UNC80: variants seen among roughly 807,000 people sequenced by gnomAD.
UNC80 encodes protein unc-80 homolog.
UNC80 carries 164 observed loss-of-function variants against 384.6 expected under a neutral mutation model. The observed-to-expected ratio is 0.43, with a 90% CI of 0.38 to 0.49. The LOEUF (loss-of-function observed/expected upper bound fraction) is 0.49. Ranked by LOEUF, UNC80 falls within the 20% of genes least tolerant of loss-of-function variation. The pLI, the probability that UNC80 is intolerant of heterozygous loss-of-function variation, is 0.00. For missense variants in UNC80, 3,330 were observed against 4,143.0 expected (o/e 0.80, Z 5.39); for synonymous variants, 1,486 against 1,527.8 (o/e 0.97, Z 0.64).
At chr2:209,930,522 C>T (rs2090771948) in intron 37 of UNC80, among the ~76,000 whole-genome samples, 1 of 152,146 alleles carries the variant, frequency 6.6e-6, no homozygotes, top group Admixed American at 6.6e-5. Flanking sequence ...TCTCTTGTAA[C>T]CTCTCTTTTT....
chr2:209,816,864 C>A, intron 9 of UNC80, 45 bp from the exon 10 acceptor site: 1 of 1,535,740 alleles, frequency 6.5e-7, no homozygotes, highest in South Asian at 1.2e-5. Flanking sequence ...AGATTGTAAC[C>A]TTTTCTTTGC....
At chr2:209,857,301 A>G (rs13010864) in intron 22 of UNC80, among the ~76,000 whole-genome samples, 26,810 of 152,112 alleles carry the variant, frequency 0.18, 3,228 homozygotes, top group African/African-American at 0.34. Context: ...TCGAAATTGA[A>G]ATCTGAATTG....
At chr2:209,792,881 G>A (rs777955804) in intron 6 of UNC80, among the ~76,000 whole-genome samples, 1 of 151,946 alleles carries the variant, frequency 6.6e-6, no homozygotes, top group Non-Finnish European at 1.5e-5. Context: ...TGAGTTTAAG[G>A]GTCAGATTCA....
At position 209,872,113 on chromosome 2, in the gene UNC80, TC is replaced by T. The variant is rs1201500207; in HGVS notation, c.3628-643del. ...CACCTCCCAGGTTCAAGCCTCAGCC[TC>T]CTGAGTAGCTGGGACTACAAGCACG... On this transcript the variant is annotated intron_variant, in intron 22 of 64. Transcript: ENST00000673920. The surrounding 1 kb of genome is among the most constrained non-coding windows in gnomAD (Gnocchi z 4.1). Among the ~76,000 whole-genome samples, 3 of 152,164 alleles carry T rather than the reference TC, an allele frequency of 2.0e-5. No homozygotes were observed. The highest frequency in any genetic ancestry group is 7.2e-5 in the African/African-American group (3 of 41,454).
At chr2:209,857,812 G>A (rs548201617) in intron 22 of UNC80, among the ~76,000 whole-genome samples, 3 of 151,994 alleles carry the variant, frequency 2.0e-5, no homozygotes, top group Non-Finnish European at 4.4e-5. Flanking sequence ...TTGACTCATA[G>A]GTATCTATAT....
At chr2:209,950,396 TG>T (rs1575117730) in intron 47 of UNC80, among the ~76,000 whole-genome samples, 1 of 152,146 alleles carries the variant, frequency 6.6e-6, no homozygotes. Flanking sequence ...TTTCTAATAC[TG>T]GGAATTTTTG....
At chr2:209,928,157 G>A (rs888628998) in intron 36 of UNC80, among the ~76,000 whole-genome samples, 10 of 152,064 alleles carry the variant, frequency 6.6e-5, no homozygotes, top group East Asian at 3.9e-4. Context: ...CCAACGTGGC[G>A]AAACCCTGTC....
At chr2:209,814,627 G>C (rs2079604448) in intron 8 of UNC80, among the ~76,000 whole-genome samples, 1 of 152,132 alleles carries the variant, frequency 6.6e-6, no homozygotes, top group Non-Finnish European at 1.5e-5. Context: ...GTTTAGAGAA[G>C]TAAACTGAAT....
intron 43 of UNC80, 43 bp from the exon 44 acceptor site, chr2:209,941,178 G>C (rs1464110738): frequency 1.4e-6 from 2 of 1,467,646 alleles, no homozygotes; most frequent in South Asian, 2.8e-5. Flanking sequence ...TGACAGGATT[G>C]GTGTGGGGCT....
At chr2:209,777,596 G>A (rs2076937199) in intron 4 of UNC80, 37 bp downstream of exon 4, 2 of 1,563,320 alleles carry the variant, frequency 1.3e-6, no homozygotes, top group South Asian at 1.2e-5. Context: ...GGAGTGGGTG[G>A]AGATGTGGTG....
intron 7 of UNC80, among the ~76,000 whole-genome samples, chr2:209,805,749 C>T (rs1559119393): frequency 6.6e-6 from 1 of 152,146 alleles, no homozygotes; most frequent in Non-Finnish European, 1.5e-5. Flanking sequence ...TCTTTTATAA[C>T]CTAATCTTTT....
At chr2:209,848,860 G>A (rs1574723670) in intron 21 of UNC80, among the ~76,000 whole-genome samples, 3 of 152,158 alleles carry the variant, frequency 2.0e-5, no homozygotes, top group Admixed American at 6.6e-5. Context: ...GTAAACCCAG[G>A]CCCATAACTG....
chr2:209,832,162 G>A (rs1313993580), intron 16 of UNC80, among the ~76,000 whole-genome samples: 1 of 152,038 alleles, frequency 6.6e-6, no homozygotes, highest in East Asian at 1.9e-4. Flanking sequence ...CAGGGGGAGG[G>A]TGGAAAGGAG....
intron 24 of UNC80, among the ~76,000 whole-genome samples, chr2:209,879,631 T>C (rs1000866770): frequency 9.9e-5 from 15 of 152,218 alleles, no homozygotes; most frequent in Admixed American, 6.5e-5. Flanking sequence ...TTTTAAAAAG[T>C]GTTGCATATC....
intron 38 of UNC80, among the ~76,000 whole-genome samples, chr2:209,931,926 T>G (rs1246070357): frequency 6.6e-6 from 1 of 152,208 alleles, no homozygotes; most frequent in Non-Finnish European, 1.5e-5. Context: ...TAAAAATGCA[T>G]AGTCTCTAGG....
At chr2:209,968,510 AAC>A (rs934707229) in intron 52 of UNC80, 1 of 152,122 alleles carries the variant, frequency 6.6e-6, no homozygotes, top group African/African-American at 2.4e-5. Context: ...TCATTAAAAA[AAC>A]AAATGGAAAA....
At chr2:209,965,448 A>G (rs2092714541) in intron 51 of UNC80, among the ~76,000 whole-genome samples, 1 of 151,440 alleles carries the variant, frequency 6.6e-6, no homozygotes, top group Non-Finnish European at 1.5e-5. Flanking sequence ...TTCTGGGCCC[A>G]GACCAGACCT....
intron 21 of UNC80, among the ~76,000 whole-genome samples, chr2:209,848,015 A>T (rs966263445): frequency 2.0e-5 from 3 of 152,084 alleles, no homozygotes; most frequent in African/African-American, 7.2e-5. Context: ...TATACATATT[A>T]GTATACTTTA....
In UNC80 at chr2:209,872,260, T is replaced by C. The variant is rs909703283; in HGVS notation, c.3628-498T>C. 6.6e-6 allele frequency among the ~76,000 whole-genome samples: 1 copy of C among 152,178 alleles called. No homozygotes were observed. The highest frequency in any genetic ancestry group is 1.5e-5 in the Non-Finnish European group (1 of 68,036). On this transcript the variant is annotated intron_variant, in intron 22 of 64. Transcript: ENST00000673920. This position sits in a 1 kb window ranked among gnomAD's most constrained non-coding sequence, Gnocchi z 4.1. ...AAATGTGCAGAACCAATTTTACCTCTTTGGAACATATGGATGGTTATAGAC... is the reference window on the plus strand; with the variant it reads ...AAATGTGCAGAACCAATTTTACCTCCTTGGAACATATGGATGGTTATAGAC...
Sources: gnomAD v4.1 joint callset for allele counts (sites outside exome capture counted in the v4.1 genomes callset) on GRCh38, gnomAD v4.1.1 for gene constraint, Gnocchi (gnomAD v3.1) non-coding constraint, MANE v1.5 for transcripts, NCBI Gene and HGNC (gene_info 2026-07-23, HGNC 2026-07-21) for gene names.